SPRY3: variants seen among roughly 807,000 people sequenced by gnomAD.
SPRY3 encodes sprouty RTK signaling antagonist 3, also known as protein sprouty homolog 3.
In SPRY3, 15 loss-of-function variants were observed where a neutral mutation model predicts 20.2. The observed-to-expected ratio is 0.74, with a 90% CI of 0.50 to 1.14. SPRY3 has a LOEUF of 1.14. Among genes scored for constraint, SPRY3 ranks in the 50% most tolerant of loss-of-function variants. The probability of loss-of-function intolerance (pLI) is 0.00; values close to 1 mark genes in which losing one functional copy is unlikely to be tolerated. For synonymous variants in SPRY3, 143 were observed against 136.5 expected (o/e 1.05, Z -0.33); for missense variants, 364 against 363.9 (o/e 1.00, Z 0.00).
At chrX:155,749,613 G>C (rs1054258173) in intron 2 of SPRY3, among the ~76,000 whole-genome samples, 2 of 151,840 alleles carry the variant, frequency 1.3e-5, no homozygotes, top group African/African-American at 4.8e-5. Context: ...TTTGGCTTCA[G>C]TGGGCTGTGT....
downstream of SPRY3, chrX:155,776,888 T>A: frequency 6.0e-6 from 1 of 167,182 alleles, no homozygotes; most frequent in East Asian, 1.9e-4. Context: ...CACTTACACC[T>A]CCTCTTCTAG....
chrX:155,768,219 T>C (rs1426410814), intron 3 of SPRY3, 83 bp downstream of exon 2: 1 of 123,356 alleles, frequency 8.1e-6, no homozygotes, highest in African/African-American at 3.5e-5. Context: ...AGCCATCCTG[T>C]GCTGTCTCTG....
intron 1 of SPRY3, among the ~76,000 whole-genome samples, chrX:155,621,605 G>A (rs2067871155): frequency 8.9e-6 from 1 of 111,797 alleles, no homozygotes; most frequent in Non-Finnish European, 1.9e-5. Context: ...AGGAAAAAAT[G>A]TGTCTTCAAG....
At chrX:155,753,703 TC>T (rs2091273012) in intron 2 of SPRY3, among the ~76,000 whole-genome samples, 1 of 151,988 alleles carries the variant, frequency 6.6e-6, no homozygotes, top group Admixed American at 6.6e-5. Flanking sequence ...AGATTTACAA[TC>T]TCACCAGCAG....
In SPRY3 at chrX:155,639,704, T is replaced by C. The variant is rs782406592; in HGVS notation, c.-440-17163T>C. ...TGCAGATATCTTTTCAAGATCCTTA[T>C]TTCAATTATTTTGGGTATATACTCA... On this transcript the variant is annotated intron_variant, in intron 1 of 3. Coordinates refer to ENST00000675360, the Ensembl canonical transcript of SPRY3. Among the ~76,000 whole-genome samples the C allele has an allele frequency of 3.7e-4, 42 of 112,406 alleles. No homozygotes were observed. The South Asian group carries it at 4.8e-3, about 13-fold the overall frequency.
chrX:155,692,491 TA>T (rs1190543654), intron 2 of SPRY3, among the ~76,000 whole-genome samples: 1 of 111,594 alleles, frequency 9.0e-6, no homozygotes, highest in Non-Finnish European at 1.9e-5. Context: ...GTTTATATTT[TA>T]AAAAATTGAT....
intron 2 of SPRY3, among the ~76,000 whole-genome samples, chrX:155,762,391 C>A (rs1419133084): frequency 6.6e-6 from 1 of 152,114 alleles, no homozygotes; most frequent in African/African-American, 2.4e-5. Context: ...ACTACATTGT[C>A]ATGAGAGTTC....
chrX:155,741,721 C>T (rs2091205240), intron 2 of SPRY3, among the ~76,000 whole-genome samples: 1 of 152,084 alleles, frequency 6.6e-6, no homozygotes. Flanking sequence ...AAAGAATTTC[C>T]AACCCAGAAC....
chrX:155,628,406 A>T (rs1000688269), intron 1 of SPRY3, among the ~76,000 whole-genome samples: 1 of 112,509 alleles, frequency 8.9e-6, no homozygotes, highest in Non-Finnish European at 1.9e-5. Context: ...CAACCTAAGA[A>T]TGTGAGAAAA....
intron 2 of SPRY3, among the ~76,000 whole-genome samples, chrX:155,663,731 C>T (rs1557353965): frequency 9.0e-6 from 1 of 111,048 alleles, no homozygotes; most frequent in Non-Finnish European, 1.9e-5. Flanking sequence ...GAATTGGGGC[C>T]CAGCAATGTG....
At chrX:155,633,525 T>C (rs1314507496) in intron 1 of SPRY3, among the ~76,000 whole-genome samples, 1 of 110,542 alleles carries the variant, frequency 9.0e-6, no homozygotes, top group Non-Finnish European at 1.9e-5. Flanking sequence ...AAGGGACCTA[T>C]AGCCATTTAC....
At chrX:155,744,690 C>T (rs751403659) in intron 2 of SPRY3, among the ~76,000 whole-genome samples, 1 of 152,104 alleles carries the variant, frequency 6.6e-6, no homozygotes, top group South Asian at 2.1e-4. Context: ...AGAACCACAG[C>T]CTCGCACAAC....
intron 2 of SPRY3, among the ~76,000 whole-genome samples, chrX:155,730,401 T>C (rs2091125358): frequency 6.6e-6 from 1 of 152,132 alleles, no homozygotes; most frequent in Non-Finnish European, 1.5e-5. Flanking sequence ...TTGGGCAATA[T>C]GATACATCAT....
intron 2 of SPRY3, among the ~76,000 whole-genome samples, chrX:155,761,714 A>ATT (rs59391494): frequency 0.058 from 7,859 of 136,264 alleles, 314 homozygotes; most frequent in African/African-American, 0.11. Context: ...GCCAGCACCT[A>ATT]TTTTTTTTTT....
intron 2 of SPRY3, among the ~76,000 whole-genome samples, chrX:155,711,204 A>AT (rs1318053847): frequency 1.3e-5 from 2 of 151,494 alleles, no homozygotes; most frequent in Admixed American, 6.6e-5. Context: ...TTCCCTCTTT[A>AT]TTTTTTAAAA....
At chrX:155,698,057 A>G (rs188767991) in intron 2 of SPRY3, among the ~76,000 whole-genome samples, 1 of 111,128 alleles carries the variant, frequency 9.0e-6, no homozygotes, top group African/African-American at 3.3e-5. Flanking sequence ...AATTTTTACA[A>G]TTATCTTTGC....
At chrX:155,697,522 C>CACATAT (rs750002413) in intron 2 of SPRY3, among the ~76,000 whole-genome samples, 54 of 99,327 alleles carry the variant, frequency 5.4e-4, no homozygotes, top group South Asian at 2.3e-3. Context: ...CACACACACA[C>CACATAT]ATATATATAT....
rs782130478 is a variant in SPRY3 at position 155,621,210 on chromosome X, TG to T, written c.-441+8564del. Among the ~76,000 whole-genome samples the T allele has an allele frequency of 6.7e-4, 75 of 112,350 alleles. 1 individual carries two copies. The highest frequency in any genetic ancestry group is 9.0e-4 in the Non-Finnish European group (48 of 53,231). ...TTATCTTCAGTTTATTCTGCTTATG[TG>T]ATTCTGAATTGTTTTTAACTTTTGT... On this transcript the variant is annotated intron_variant, in intron 1 of 3. Coordinates refer to ENST00000675360, the Ensembl canonical transcript of SPRY3.
chrX:155,656,713 T>C (rs1484537700), intron 1 of SPRY3, among the ~76,000 whole-genome samples: 6 of 111,702 alleles, frequency 5.4e-5, no homozygotes, highest in African/African-American at 1.6e-4. Context: ...TTACGCTGGT[T>C]TTTTTCTCAT....
Sources: allele counts gnomAD v4.1 joint callset (sites outside exome capture counted in the v4.1 genomes callset), GRCh38; gene constraint gnomAD v4.1.1; transcripts MANE v1.5; gene names NCBI Gene and HGNC (gene_info 2026-07-23, HGNC 2026-07-21).